ELL: variants seen among roughly 807,000 people sequenced by gnomAD.
ELL encodes elongation factor for RNA polymerase II, also known as RNA polymerase II elongation factor ELL.
In ELL, 18 loss-of-function variants were observed where a neutral mutation model predicts 64.0. That is an observed-to-expected ratio of 0.28 (90% CI 0.19 to 0.42). The LOEUF (loss-of-function observed/expected upper bound fraction) is 0.42. ELL is among the 10% of genes least tolerant of loss of function. The pLI is 1.00. For missense variants in ELL, 797 were observed against 870.4 expected (o/e 0.92, Z 1.06); for synonymous variants, 399 against 376.2 (o/e 1.06, Z -0.70).
intron 8 of ELL, chr19:18,448,790 C>T (rs1974467759): frequency 6.6e-6 from 1 of 152,226 alleles, no homozygotes; most frequent in Admixed American, 6.5e-5. Flanking sequence ...TCAGCGGCCC[C>T]CGACTCCTAC....
At chr19:18,446,158 G>A in intron 10 of ELL, 151 bp downstream of exon 10, 1 of 994,520 alleles carries the variant, frequency 1.0e-6, no homozygotes, top group South Asian at 1.7e-5. Context: ...GAACCATGGG[G>A]TTGCTGCATG....
chr19:18,489,259 C>A (rs1975479061), intron 1 of ELL, among the ~76,000 whole-genome samples: 1 of 152,164 alleles, frequency 6.6e-6, no homozygotes, highest in Admixed American at 6.5e-5. Context: ...AGCGAGGGGG[C>A]GTCCTCCCAG....
At chr19:18,454,785 G>A (rs1273562003) in intron 6 of ELL, among the ~76,000 whole-genome samples, 1 of 144,660 alleles carries the variant, frequency 6.9e-6, no homozygotes, top group Non-Finnish European at 1.5e-5. Flanking sequence ...ATGTTGCAGT[G>A]AGCAGAGATT....
intron 1 of ELL, among the ~76,000 whole-genome samples, chr19:18,474,064 C>T (rs1480472269): frequency 1.3e-5 from 2 of 152,218 alleles, no homozygotes; most frequent in Non-Finnish European, 2.9e-5. Context: ...ACAACACCTA[C>T]CCCATGGGTC....
At chr19:18,503,517 C>T (rs1975823842) in intron 1 of ELL, among the ~76,000 whole-genome samples, 1 of 152,122 alleles carries the variant, frequency 6.6e-6, no homozygotes, top group African/African-American at 2.4e-5. Flanking sequence ...GCAGGACACA[C>T]GTTCCTCCTC....
At chr19:18,458,416 G>A in intron 5 of ELL, 87 bp from the exon 6 acceptor site, 1 of 1,547,464 alleles carries the variant, frequency 6.5e-7, no homozygotes, top group African/African-American at 1.4e-5. Flanking sequence ...GGGTTTGGGA[G>A]GGTGTGCAGA....
rs575890612 is a variant in ELL at position 18,463,094 on chromosome 19, C to T, written c.470-1242G>A. On this transcript the variant is annotated intron_variant, in intron 4 of 11. Coordinates refer to ENST00000262809, the MANE Select transcript of ELL (RefSeq NM_006532.4). ...GTGCCTCAAATCCTTCCCCCAAAAG[C>T]TCTTCGTAACAACATCACTCTGATC... is the stretch of plus-strand genomic sequence containing the variant. 1.9e-4 allele frequency among the ~76,000 whole-genome samples: 29 copies of T among 152,290 alleles called. No homozygotes were observed. The East Asian group carries it at 5.2e-3, about 27-fold the overall frequency.
intron 6 of ELL, among the ~76,000 whole-genome samples, chr19:18,457,624 G>A (rs370597923): frequency 1.3e-5 from 2 of 152,244 alleles, no homozygotes; most frequent in South Asian, 2.1e-4. Context: ...TTCACAGCCC[G>A]AGCTCCCCTA....
chr19:18,449,848 C>T lies in ELL; in HGVS notation c.1465+629G>A, dbSNP rs568305387. Among the ~76,000 whole-genome samples, 1 of 152,320 alleles carries T rather than the reference C, an allele frequency of 6.6e-6. No individual in the cohort carries two copies. Among genetic ancestry groups the T allele is most frequent in the African/African-American group, 2.4e-5 (1 of 41,572 alleles). On this transcript the variant is annotated intron_variant, in intron 8 of 11. Transcript: ENST00000262809. The surrounding 1 kb of genome is among the most constrained non-coding windows in gnomAD (Gnocchi z 4.4). ...GCAGGCTCATGGCCACGGTGCTAGGCGGGTGCTACTGCTGCTCAGTTTAGG... is the reference window on the plus strand; with the variant it reads ...GCAGGCTCATGGCCACGGTGCTAGGTGGGTGCTACTGCTGCTCAGTTTAGG...
intron 6 of ELL, among the ~76,000 whole-genome samples, chr19:18,455,506 A>G (rs1222384980): frequency 6.6e-6 from 1 of 151,774 alleles, no homozygotes; most frequent in Non-Finnish European, 1.5e-5. Context: ...AAAAAAAAAA[A>G]AAGAACATGC....
chr19:18,452,745 T>C (rs917537927), intron 6 of ELL, among the ~76,000 whole-genome samples: 3 of 152,038 alleles, frequency 2.0e-5, no homozygotes, highest in East Asian at 1.9e-4. Flanking sequence ...CTCCAGGCAG[T>C]TGGGAAGTTA....
intron 1 of ELL, among the ~76,000 whole-genome samples, chr19:18,500,298 G>A (rs1330954826): frequency 2.0e-5 from 3 of 150,224 alleles, no homozygotes; most frequent in South Asian, 2.1e-4. Flanking sequence ...CACCAGCCAC[G>A]TTCCTGTTCC....
In ELL at chr19:18,484,705, C is replaced by T. The variant is rs147055577; in HGVS notation, c.136-11823G>A. Among the ~76,000 whole-genome samples the T allele has an allele frequency of 4.0e-3, 606 of 152,288 alleles. 1 individual carries two copies. The highest frequency in any genetic ancestry group is 5.4e-3 in the Non-Finnish European group (369 of 68,018). ...AGCACATGAGGCTTCACAACCAATG[C>T]TCTTTTGCCTCCACCTGTGCTCCTC... is the stretch of plus-strand genomic sequence containing the variant. On this transcript the variant is annotated intron_variant, in intron 1 of 11. Coordinates refer to ENST00000262809, the MANE Select transcript of ELL (RefSeq NM_006532.4).
chr19:18,488,707 A>G (rs1414672440), intron 1 of ELL, among the ~76,000 whole-genome samples: 1 of 152,128 alleles, frequency 6.6e-6, no homozygotes, highest in Non-Finnish European at 1.5e-5. Context: ...TTCTATGGAC[A>G]GGGCTGCGCA....
In ELL at chr19:18,446,339, C is replaced by A; in HGVS notation, c.1674G>T (p.Arg558=). ...ACTCCTCGGAGCCCTGGGAGAGCTG[C>A]CGGAGCTGGGCGTCGAGCTGGGTGA... is the stretch of plus-strand genomic sequence containing the variant. ...RRFTQLDAQL[R]QLSQGSEEYE... is the part of the protein sequence containing the mutation. Residue 558 remains arginine (R), a synonymous_variant, in exon 10 of 12, where the codon CGG becomes CGT. Coordinates refer to ENST00000262809, the MANE Select transcript of ELL (RefSeq NM_006532.4). The A allele has an allele frequency of 6.3e-7, 1 of 1,598,938 alleles. No homozygotes were observed. Among genetic ancestry groups the A allele is most frequent in the Non-Finnish European group, 8.5e-7 (1 of 1,175,290 alleles).
chr19:18,463,881 G>A (rs1974884233), intron 4 of ELL, among the ~76,000 whole-genome samples: 1 of 151,988 alleles, frequency 6.6e-6, no homozygotes, highest in African/African-American at 2.4e-5. Context: ...AGCTACTCGG[G>A]AGGCTGAGGC....
At chr19:18,446,066 C>T (rs1362548032) in intron 10 of ELL, 3 of 537,196 alleles carry the variant, frequency 5.6e-6, no homozygotes, top group Admixed American at 7.1e-5. Flanking sequence ...GGAGGTGGGT[C>T]ACAGCTGTCC....
chr19:18,458,161 T>C (rs1475725870), intron 6 of ELL, 44 bp downstream of exon 6: 1 of 1,598,856 alleles, frequency 6.3e-7, no homozygotes, highest in African/African-American at 1.3e-5. Flanking sequence ...TCTGGCTGCC[T>C]TCATGCGGGT....
At chr19:18,453,590 G>A (rs147672965) in intron 6 of ELL, among the ~76,000 whole-genome samples, 261 of 152,170 alleles carry the variant, frequency 1.7e-3, no homozygotes, top group African/African-American at 6.0e-3. Context: ...CAGAAAATAG[G>A]TTGGGCGCAG....
Sources: gnomAD v4.1 joint callset for allele counts (sites outside exome capture counted in the v4.1 genomes callset) on GRCh38, gnomAD v4.1.1 for gene constraint, Gnocchi (gnomAD v3.1) non-coding constraint, MANE v1.5 for transcripts, NCBI Gene and HGNC (gene_info 2026-07-23, HGNC 2026-07-21) for gene names.